The following AGBL4 variants were observed in gnomAD, a reference collection of about 807,000 sequenced individuals.
AGBL4 encodes the protein AGBL carboxypeptidase 4.
In AGBL4, 58 loss-of-function variants were observed where a neutral mutation model predicts 66.4. The observed-to-expected ratio is 0.87, with a 90% confidence interval of 0.71 to 1.09. The LOEUF (loss-of-function observed/expected upper bound fraction) is 1.09, where lower values mean the gene tolerates loss of function less well. Among genes scored for constraint, AGBL4 ranks in the 50% least tolerant of loss-of-function variants. The pLI is 0.00. For missense variants in AGBL4, 579 were observed against 631.0 expected (o/e 0.92, Z 0.88); for synonymous variants, 234 against 222.9 (o/e 1.05, Z -0.44).
At chr1:49,744,332 G>T (rs1206453209) in intron 2 of AGBL4, among the ~76,000 whole-genome samples, 2 of 152,186 alleles carry the variant, frequency 1.3e-5, no homozygotes. Flanking sequence ...CACCATGTGA[G>T]ATGCCTTGCT....
At chr1:48,664,735 T>C (rs1646159170) in intron 6 of AGBL4, among the ~76,000 whole-genome samples, 1 of 152,214 alleles carries the variant, frequency 6.6e-6, no homozygotes, top group Non-Finnish European at 1.5e-5. Flanking sequence ...AGTTGAACTA[T>C]TGTGCAAAGA....
At chr1:49,247,031 A>G (rs1332946305) in intron 3 of AGBL4, among the ~76,000 whole-genome samples, 5 of 152,094 alleles carry the variant, frequency 3.3e-5, no homozygotes, top group Non-Finnish European at 7.4e-5. Context: ...TGTAGACACT[A>G]TGGCTCAGAG....
intron 2 of AGBL4, among the ~76,000 whole-genome samples, chr1:49,711,563 C>T (rs974619074): frequency 5.3e-5 from 8 of 151,970 alleles, no homozygotes; most frequent in South Asian, 2.1e-4. Context: ...CAGTGTTTAT[C>T]TGGGTAGAAA....
chr1:48,650,444 A>ACCTTCCTTCCTT lies in AGBL4; in HGVS notation c.839+2881_839+2892dup, dbSNP rs57012926. ...TACTGCACTAGAATTCTGAGAACCA[A>ACCTTCCTTCCTT]CCTTCCTTCCTTCCTTCCTTCCTTC... is the stretch of plus-strand genomic sequence containing the variant. On this transcript the variant is annotated intron_variant, in intron 8 of 13. Coordinates refer to ENST00000371839, the MANE Select transcript of AGBL4 (RefSeq NM_032785.4). 7.8e-3 allele frequency among the ~76,000 whole-genome samples: 1,153 copies of ACCTTCCTTCCTT among 147,128 alleles called. 10 individuals carry two copies. The highest frequency in any genetic ancestry group is 0.018 in the African/African-American group (717 of 39,620).
intron 3 of AGBL4, among the ~76,000 whole-genome samples, chr1:49,562,000 C>G (rs908783842): frequency 3.3e-5 from 5 of 152,210 alleles, no homozygotes; most frequent in African/African-American, 1.2e-4. Flanking sequence ...GACTGCCATT[C>G]TAACTGGTGT....
At chr1:48,915,689 A>T (rs1653526671) in intron 5 of AGBL4, among the ~76,000 whole-genome samples, 1 of 152,132 alleles carries the variant, frequency 6.6e-6, no homozygotes, top group Admixed American at 6.5e-5. Context: ...TGAATTAAAA[A>T]TACTGGGAGT....
chr1:48,707,021 T>C (rs1009347356), intron 6 of AGBL4, among the ~76,000 whole-genome samples: 5 of 152,080 alleles, frequency 3.3e-5, no homozygotes, highest in Non-Finnish European at 7.4e-5. Context: ...TGGCTGGGAG[T>C]GGTGGCCCAT....
chr1:49,223,003 G>A (rs930950334), intron 4 of AGBL4, among the ~76,000 whole-genome samples: 1 of 152,012 alleles, frequency 6.6e-6, no homozygotes, highest in African/African-American at 2.4e-5. Flanking sequence ...ATATCCATGT[G>A]GAGAGCCTTT....
At chr1:49,105,462 A>G (rs1013976981) in intron 4 of AGBL4, among the ~76,000 whole-genome samples, 1 of 152,148 alleles carries the variant, frequency 6.6e-6, no homozygotes, top group Non-Finnish European at 1.5e-5. Flanking sequence ...CGTACCTAAC[A>G]TTACACAGTG....
At chr1:49,463,935 C>T (rs1646569576) in intron 3 of AGBL4, among the ~76,000 whole-genome samples, 1 of 151,772 alleles carries the variant, frequency 6.6e-6, no homozygotes, top group South Asian at 2.1e-4. Context: ...AGGGCAGAGG[C>T]TGTGGGTTGG....
chr1:48,952,261 G>C (rs1050792957), intron 5 of AGBL4, among the ~76,000 whole-genome samples: 4 of 152,158 alleles, frequency 2.6e-5, no homozygotes, highest in Non-Finnish European at 5.9e-5. Flanking sequence ...CCAACTGCTA[G>C]GCACTATGCT....
intron 4 of AGBL4, among the ~76,000 whole-genome samples, chr1:49,140,814 C>T (rs1470531694): frequency 6.6e-6 from 1 of 152,128 alleles, no homozygotes; most frequent in Non-Finnish European, 1.5e-5. Flanking sequence ...GGCTTAAAGT[C>T]TAGTCCTCTT....
At position 49,592,569 on chromosome 1, in the gene AGBL4, A is replaced by G. The variant is rs866013913; in HGVS notation, c.282+104744T>C. ...GGGTACACAGTGAGGCTCTGTCTCA[A>G]AAAAACAAAAACATGAACAAACACT... On this transcript the variant is annotated intron_variant, in intron 3 of 13. Transcript: ENST00000371839. 2.6e-5 allele frequency among the ~76,000 whole-genome samples: 4 copies of G among 152,342 alleles called. No individual in the cohort carries two copies. The South Asian group carries it at 8.3e-4, about 32-fold the overall frequency.
At chr1:49,882,750 C>G (rs892243197) in intron 1 of AGBL4, among the ~76,000 whole-genome samples, 1 of 152,132 alleles carries the variant, frequency 6.6e-6, no homozygotes, top group African/African-American at 2.4e-5. Flanking sequence ...TATCCTGAGA[C>G]CTTGCTGAAG....
At chr1:49,930,031 G>T (rs1653175696) in intron 1 of AGBL4, among the ~76,000 whole-genome samples, 1 of 151,850 alleles carries the variant, frequency 6.6e-6, no homozygotes, top group Admixed American at 6.6e-5. Flanking sequence ...AAGACTACTA[G>T]TTCTTTAAGA....
chr1:49,489,688 T>C (rs1647147653), intron 3 of AGBL4, among the ~76,000 whole-genome samples: 1 of 151,914 alleles, frequency 6.6e-6, no homozygotes, highest in Non-Finnish European at 1.5e-5. Context: ...AAATTTTTAA[T>C]CCATTTTGAA....
intron 11 of AGBL4, among the ~76,000 whole-genome samples, chr1:48,571,663 T>A (rs1184568328): frequency 6.6e-6 from 1 of 152,258 alleles, no homozygotes; most frequent in Non-Finnish European, 1.5e-5. Flanking sequence ...CTTTCATTGC[T>A]TTATTGTGGC....
At chr1:49,735,659 A>G (rs1340156748) in intron 2 of AGBL4, among the ~76,000 whole-genome samples, 1 of 152,144 alleles carries the variant, frequency 6.6e-6, no homozygotes, top group African/African-American at 2.4e-5. Flanking sequence ...ACCTAACATA[A>G]GAGCTACACA....
intron 3 of AGBL4, among the ~76,000 whole-genome samples, chr1:49,467,785 C>T (rs370409084): frequency 1.3e-5 from 2 of 151,724 alleles, no homozygotes; most frequent in Admixed American, 6.6e-5. Flanking sequence ...TTCACACATT[C>T]GACTAAAATT....
Sources: allele counts gnomAD v4.1 joint callset (sites outside exome capture counted in the v4.1 genomes callset), GRCh38; gene constraint gnomAD v4.1.1; transcripts MANE v1.5; gene names NCBI Gene and HGNC (gene_info 2026-07-23, HGNC 2026-07-21).